WDR43: variants seen among roughly 807,000 people sequenced by gnomAD.
WDR43 encodes the protein WD repeat-containing protein 43.
WDR43 carries 13 observed loss-of-function variants against 91.4 expected under a neutral mutation model. The observed-to-expected ratio is 0.14, with a 90% confidence interval of 0.09 to 0.23. WDR43 has a LOEUF of 0.23. WDR43 is among the 10% of genes least tolerant of loss of function. The pLI is 1.00. For synonymous variants in WDR43, 331 were observed against 287.9 expected (o/e 1.15, Z -1.51); for missense variants, 780 against 809.4 (o/e 0.96, Z 0.44).
chr2:28,895,069 C>T (rs1229187193), intron 1 of WDR43, 146 bp downstream of exon 1: 5 of 780,708 alleles, frequency 6.4e-6, no homozygotes, highest in Admixed American at 4.5e-5. Context: ...GCGTTCAGGG[C>T]CCAAGCCGCC....
chr2:28,941,057 AG>A (rs1372019012), intron 14 of WDR43, among the ~76,000 whole-genome samples: 1 of 152,226 alleles, frequency 6.6e-6, no homozygotes, highest in Non-Finnish European at 1.5e-5. Context: ...CAGTAAGGGT[AG>A]ATAATATGCT....
chr2:28,942,847 G>C (rs1313045911), intron 16 of WDR43, among the ~76,000 whole-genome samples: 3 of 151,838 alleles, frequency 2.0e-5, no homozygotes, highest in Non-Finnish European at 4.4e-5. Flanking sequence ...AAACTCCTGG[G>C]CTCAAGTGAT....
intron 11 of WDR43, among the ~76,000 whole-genome samples, chr2:28,933,952 C>T (rs1406138878): frequency 6.6e-6 from 1 of 152,046 alleles, no homozygotes; most frequent in African/African-American, 2.4e-5. Context: ...AGGATGTATC[C>T]ACATATGATG....
intron 13 of WDR43, among the ~76,000 whole-genome samples, chr2:28,937,639 C>T (rs1159092150): frequency 6.6e-6 from 1 of 152,104 alleles, no homozygotes; most frequent in Non-Finnish European, 1.5e-5. Flanking sequence ...GCCCTCATAT[C>T]AGTTAATTAT....
chr2:28,932,895 A>G (rs1018258278), intron 11 of WDR43, among the ~76,000 whole-genome samples: 4 of 152,210 alleles, frequency 2.6e-5, no homozygotes, highest in African/African-American at 7.2e-5. Context: ...TAACAGTTCC[A>G]TTTATAGTAG....
At chr2:28,926,685 T>C (rs1237128634) in intron 9 of WDR43, 131 bp downstream of exon 9, 13 of 835,690 alleles carry the variant, frequency 1.6e-5, no homozygotes, top group Non-Finnish European at 2.1e-5. Flanking sequence ...CTTATAAATT[T>C]TGTGGGATTA....
intron 6 of WDR43, among the ~76,000 whole-genome samples, chr2:28,922,555 TTACAACACCCCTTCC>T (rs1448483057): frequency 6.6e-6 from 1 of 152,122 alleles, no homozygotes; most frequent in Non-Finnish European, 1.5e-5. Flanking sequence ...CGATGAGGTC[TTACAACACCCCTTCC>T]TAGCCATACA....
intron 1 of WDR43, chr2:28,895,884 A>G (rs944030671): frequency 1.3e-5 from 2 of 152,182 alleles, no homozygotes; most frequent in African/African-American, 4.8e-5. Context: ...AGCTGTTTCA[A>G]TGTGGAGAAC....
intron 14 of WDR43, among the ~76,000 whole-genome samples, chr2:28,938,894 G>T (rs560412196): frequency 2.0e-5 from 3 of 152,098 alleles, no homozygotes; most frequent in African/African-American, 7.2e-5. Context: ...AGGTGACCTG[G>T]GAACACTGAT....
At chr2:28,915,577 TAA>T (rs1299457235) in intron 5 of WDR43, among the ~76,000 whole-genome samples, 7 of 152,334 alleles carry the variant, frequency 4.6e-5, no homozygotes, top group African/African-American at 1.2e-4. Flanking sequence ...GAAGTAAACT[TAA>T]AATTAACCAC....
chr2:28,927,072 A>G (rs760589126), intron 9 of WDR43: 3 of 519,476 alleles, frequency 5.8e-6, no homozygotes, highest in Admixed American at 3.9e-5. Flanking sequence ...AAGACATGCT[A>G]TGATGACATC....
At chr2:28,936,843 A>G in intron 12 of WDR43, 79 bp from the exon 13 acceptor site, 2 of 1,250,390 alleles carry the variant, frequency 1.6e-6, no homozygotes, top group East Asian at 2.5e-5. Context: ...ATTTCTCAAT[A>G]TTGTCATTGT....
chr2:28,945,630 G>C (rs1285815089), intron 16 of WDR43, among the ~76,000 whole-genome samples: 1 of 152,176 alleles, frequency 6.6e-6, no homozygotes, highest in Non-Finnish European at 1.5e-5. Flanking sequence ...TATTTTTGGA[G>C]GGTTGCATCA....
At chr2:28,940,365 G>A (rs1037128211) in intron 14 of WDR43, among the ~76,000 whole-genome samples, 1 of 152,056 alleles carries the variant, frequency 6.6e-6, no homozygotes, top group Non-Finnish European at 1.5e-5. Context: ...GAGTAGCTGG[G>A]ATTACAGGCA....
intron 6 of WDR43, among the ~76,000 whole-genome samples, chr2:28,918,411 C>T (rs899362932): frequency 6.6e-6 from 1 of 151,748 alleles, no homozygotes; most frequent in Non-Finnish European, 1.5e-5. Context: ...TCTTGTTGCC[C>T]AGGCTGGAGT....
chr2:28,940,035 C>CG (rs891846950), intron 14 of WDR43, among the ~76,000 whole-genome samples: 8 of 139,520 alleles, frequency 5.7e-5, no homozygotes, highest in African/African-American at 1.6e-4. Context: ...GGCGTGAACC[C>CG]GGGGGGGCAG....
chr2:28,921,368 G>A (rs76728616), intron 6 of WDR43, among the ~76,000 whole-genome samples: 40,319 of 151,092 alleles, frequency 0.27, 6,520 homozygotes, highest in East Asian at 0.78. Flanking sequence ...CCTTGTGATC[G>A]GCCTGCCTCG....
intron 4 of WDR43, 49 bp from the exon 5 acceptor site, chr2:28,914,020 T>C: frequency 6.2e-7 from 1 of 1,603,550 alleles, no homozygotes; most frequent in Non-Finnish European, 8.5e-7. Context: ...TATTAATTTT[T>C]GTCCCTGCTT....
At chr2:28,895,067 G>C (rs1670450436) in intron 1 of WDR43, 144 bp downstream of exon 1, 1 of 803,238 alleles carries the variant, frequency 1.2e-6, no homozygotes, top group Non-Finnish European at 1.7e-6. Flanking sequence ...GCGCGTTCAG[G>C]GCCCAAGCCG....
Sources: gnomAD v4.1 joint callset for allele counts (sites outside exome capture counted in the v4.1 genomes callset) on GRCh38, gnomAD v4.1.1 for gene constraint, MANE v1.5 for transcripts, NCBI Gene and HGNC (gene_info 2026-07-23, HGNC 2026-07-21) for gene names.